Variants in NEDD4 observed in about 807,000 individuals in gnomAD.
The protein encoded by NEDD4 is NEDD4 E3 ubiquitin protein ligase.
A neutral mutation model predicts 144.9 loss-of-function variants in NEDD4; 99 were observed. The ratio of observed to expected loss-of-function variants is 0.68; its 90% CI spans 0.58 to 0.81. The LOEUF is 0.81. NEDD4 is among the 30% of genes least tolerant of loss of function. NEDD4 has a pLI of 0.00. For synonymous variants in NEDD4, 318 were observed against 350.6 expected, an observed-to-expected ratio of 0.91 and a Z score of 1.04; for missense variants, 985 against 1,065.9, an observed-to-expected ratio of 0.92 and a Z score of 1.06.
At chr15:55,926,224 G>A (rs967358661) in intron 4 of NEDD4, among the ~76,000 whole-genome samples, 1 of 152,114 alleles carries the variant, frequency 6.6e-6, no homozygotes, top group African/African-American at 2.4e-5. Context: ...CCCTGAATAT[G>A]TCTATCTAGA....
At chr15:55,833,388 T>C (rs2033048570) in intron 26 of NEDD4, among the ~76,000 whole-genome samples, 1 of 152,192 alleles carries the variant, frequency 6.6e-6, no homozygotes, top group South Asian at 2.1e-4. Flanking sequence ...CTGGGTGCAG[T>C]GGCTCATGCC....
chr15:55,985,847 A>G (rs1407131016), intron 1 of NEDD4, among the ~76,000 whole-genome samples: 1 of 152,104 alleles, frequency 6.6e-6, no homozygotes, highest in East Asian at 1.9e-4. Context: ...CACACCAAGT[A>G]CCCAAATTGT....
At chr15:55,953,487 GCT>G (rs1275184408) in intron 2 of NEDD4, among the ~76,000 whole-genome samples, 1 of 151,506 alleles carries the variant, frequency 6.6e-6, no homozygotes, top group Non-Finnish European at 1.5e-5. Context: ...TGTAATCCAG[GCT>G]GGAGTGCAGT....
chr15:55,898,464 C>T (rs180751216), intron 5 of NEDD4, among the ~76,000 whole-genome samples: 268 of 152,206 alleles, frequency 1.8e-3, no homozygotes, highest in Non-Finnish European at 2.7e-3. Flanking sequence ...CTGCAAACTT[C>T]CTTAATTCAC....
intron 5 of NEDD4, among the ~76,000 whole-genome samples, chr15:55,921,568 C>A (rs894398132): frequency 6.6e-6 from 1 of 152,056 alleles, no homozygotes; most frequent in African/African-American, 2.4e-5. Context: ...CAGGTGTTCA[C>A]CTAACCTCAG....
At chr15:55,944,425 T>C (rs1383095885) in intron 4 of NEDD4, among the ~76,000 whole-genome samples, 1 of 152,174 alleles carries the variant, frequency 6.6e-6, no homozygotes, top group African/African-American at 2.4e-5. Flanking sequence ...GTCTGCAGAC[T>C]GGTGGGGTAA....
At chr15:55,846,854 T>C (rs1195176784) in intron 18 of NEDD4, 115 bp downstream of exon 18, 4 of 577,686 alleles carry the variant, frequency 6.9e-6, no homozygotes, top group Non-Finnish European at 1.2e-5. Context: ...TAGGAAAAAC[T>C]GTTCACTCAA....
At chr15:55,923,838 T>TTAA (rs371395399) in intron 5 of NEDD4, among the ~76,000 whole-genome samples, 3 of 150,398 alleles carry the variant, frequency 2.0e-5, no homozygotes, top group Non-Finnish European at 3.0e-5. Context: ...GACTTTTTTT[T>TTAA]AAAAAAAAAG....
chr15:55,840,081 A>C (rs1406051717), intron 21 of NEDD4, among the ~76,000 whole-genome samples: 5 of 141,174 alleles, frequency 3.5e-5, no homozygotes, highest in Non-Finnish European at 7.5e-5. Context: ...ATACTGATTC[A>C]AAAGACATAT....
chr15:55,989,511 G>C (rs904468864), intron 1 of NEDD4, among the ~76,000 whole-genome samples: 1 of 152,172 alleles, frequency 6.6e-6, no homozygotes, highest in Admixed American at 6.5e-5. Context: ...CTCAGCCTTA[G>C]TGGGTCCAGA....
At chr15:55,915,282 A>C in intron 5 of NEDD4, 1 of 1,554,228 alleles carries the variant, frequency 6.4e-7, no homozygotes, top group Admixed American at 2.1e-5. Flanking sequence ...AAGGAAACTT[A>C]CCTTGCAAGA....
At chr15:55,891,656 A>C (rs2035575413) in intron 5 of NEDD4, among the ~76,000 whole-genome samples, 4 of 152,218 alleles carry the variant, frequency 2.6e-5, no homozygotes, top group Admixed American at 6.5e-5. Flanking sequence ...AAACAGGACT[A>C]TCTGCAATGG....
chr15:55,940,869 T>C (rs1321252819), intron 4 of NEDD4, among the ~76,000 whole-genome samples: 1 of 152,134 alleles, frequency 6.6e-6, no homozygotes, highest in Non-Finnish European at 1.5e-5. Flanking sequence ...AGAATGGCAA[T>C]ATTTTTAAAT....
chr15:55,926,639 G>T (rs547027824), intron 4 of NEDD4, among the ~76,000 whole-genome samples: 1 of 152,302 alleles, frequency 6.6e-6, no homozygotes, highest in East Asian at 1.9e-4. Flanking sequence ...CATGGCACAT[G>T]CCTATAGTCC....
At chr15:55,923,638 T>C (rs1454122793) in intron 5 of NEDD4, among the ~76,000 whole-genome samples, 2 of 113,892 alleles carry the variant, frequency 1.8e-5, no homozygotes, top group Non-Finnish European at 1.7e-5. Context: ...AAAGCGAGAC[T>C]CCATCTCAAA....
intron 2 of NEDD4, 23 bp downstream of exon 2, chr15:55,966,450 A>G: frequency 7.0e-7 from 1 of 1,422,242 alleles, no homozygotes; most frequent in Non-Finnish European, 9.5e-7. Flanking sequence ...TTTTAAAATT[A>G]TAATCCAAAT....
intron 5 of NEDD4, among the ~76,000 whole-genome samples, chr15:55,917,834 G>GAA (rs200765053): frequency 4.7e-5 from 7 of 148,106 alleles, no homozygotes; most frequent in South Asian, 4.3e-4. Context: ...ATGCAGATTA[G>GAA]AAAAAAAAAA....
At chr15:55,831,429 A>C (rs2032944583) in intron 27 of NEDD4, among the ~76,000 whole-genome samples, 1 of 152,176 alleles carries the variant, frequency 6.6e-6, no homozygotes, top group South Asian at 2.1e-4. Context: ...GCTGGGTTAC[A>C]TAGAAGAGAG....
chr15:55,911,590 C>T (rs1227641582), intron 5 of NEDD4, among the ~76,000 whole-genome samples: 1 of 151,398 alleles, frequency 6.6e-6, no homozygotes, highest in Non-Finnish European at 1.5e-5. Flanking sequence ...AGTGCAGTGG[C>T]GCGATCTCGA....
Sources: gnomAD v4.1 joint callset for allele counts (sites outside exome capture counted in the v4.1 genomes callset) on GRCh38, gnomAD v4.1.1 for gene constraint, MANE v1.5 for transcripts, NCBI Gene and HGNC (gene_info 2026-07-23, HGNC 2026-07-21) for gene names.